The following ATAD2 variants were observed in gnomAD, a reference collection of about 807,000 sequenced individuals.
ATAD2 encodes the protein ATPase family AAA domain-containing protein 2.
A neutral mutation model predicts 168.9 loss-of-function variants in ATAD2; 62 were observed. The ratio of observed to expected loss-of-function variants is 0.37; its 90% CI spans 0.30 to 0.45. ATAD2 has a LOEUF of 0.45. Ranked by LOEUF, ATAD2 falls within the 20% of genes least tolerant of loss-of-function variation. The pLI is 1.00. For synonymous variants in ATAD2, 613 were observed against 571.6 expected, an observed-to-expected ratio of 1.07 and a Z score of -1.03; for missense variants, 1,419 against 1,667.8, an observed-to-expected ratio of 0.85 and a Z score of 2.60.
intron 13 of ATAD2, among the ~76,000 whole-genome samples, chr8:123,351,806 G>A (rs1281830801): frequency 6.7e-6 from 1 of 148,844 alleles, no homozygotes; most frequent in Non-Finnish European, 1.5e-5. Flanking sequence ...GGAGTGCAGT[G>A]GCACGATCTC....
chr8:123,334,155 T>C (rs765891322), intron 23 of ATAD2, 45 bp downstream of exon 23: 4 of 1,547,266 alleles, frequency 2.6e-6, no homozygotes, highest in Admixed American at 4.2e-5. Flanking sequence ...CTGAAATTCA[T>C]TGATAATATT....
chr8:123,338,437 T>C (rs180722851), intron 20 of ATAD2, among the ~76,000 whole-genome samples: 2 of 152,080 alleles, frequency 1.3e-5, no homozygotes, highest in East Asian at 1.9e-4. Context: ...ATTCTAACTA[T>C]AAAAAAGCCT....
At chr8:123,329,396 A>G (rs1275368880) in intron 24 of ATAD2, among the ~76,000 whole-genome samples, 1 of 152,072 alleles carries the variant, frequency 6.6e-6, no homozygotes. Flanking sequence ...CTACAACTAT[A>G]GGTGTATGCC....
intron 21 of ATAD2, among the ~76,000 whole-genome samples, chr8:123,337,137 T>C (rs868316697): frequency 7.3e-6 from 1 of 136,960 alleles, no homozygotes; most frequent in South Asian, 2.3e-4. Context: ...CTGAGGTGGG[T>C]GGATTACCTG....
At chr8:123,357,413 G>C in intron 12 of ATAD2, 149 bp downstream of exon 12, 3 of 777,086 alleles carry the variant, frequency 3.9e-6, no homozygotes, top group Non-Finnish European at 5.6e-6. Flanking sequence ...GTGTCATCTC[G>C]ACATATAAAA....
At chr8:123,413,468 C>A (rs1231885058) in intron 1 of ATAD2, among the ~76,000 whole-genome samples, 1 of 152,140 alleles carries the variant, frequency 6.6e-6, no homozygotes, top group East Asian at 1.9e-4. Context: ...ACTGCAGCAC[C>A]CATTAGATAA....
At chr8:123,408,261 G>A (rs1216017049) in intron 1 of ATAD2, among the ~76,000 whole-genome samples, 1 of 152,128 alleles carries the variant, frequency 6.6e-6, no homozygotes, top group Non-Finnish European at 1.5e-5. Flanking sequence ...CTCTTTGGGT[G>A]GGTTTGGTTT....
Position 123,328,527 on chromosome 8 carries a change from T to A in ATAD2, c.3531A>T (p.Ile1177=). The change falls in exon 25 of 28, where the codon ATA becomes ATT. Residue 1177 remains isoleucine, a synonymous_variant. Transcript: ENST00000287394. ...RKKSNWYLGT[I]KKRRKISQAK... ...CCTGTGAAATCTTCCTTCGCTTTTT[T>A]ATGGTGCCTAAGTACCAGTTTGACT... 6.3e-7 allele frequency: 1 copy of A among 1,593,984 alleles called. No homozygotes were observed.
At chr8:123,393,494 A>G (rs1267417231) in intron 1 of ATAD2, among the ~76,000 whole-genome samples, 1 of 152,162 alleles carries the variant, frequency 6.6e-6, no homozygotes, top group African/African-American at 2.4e-5. Flanking sequence ...TGGGTGACAG[A>G]GCAAGACTCT....
At chr8:123,328,958 C>T (rs4871356) in intron 24 of ATAD2, among the ~76,000 whole-genome samples, 129,664 of 151,924 alleles carry the variant, frequency 0.85, 57,921 homozygotes, top group East Asian at 1. Context: ...CCCGCCACCA[C>T]GCCCAGCTAA....
chr8:123,396,678 C>A (rs1327366030), upstream of ATAD2, among the ~76,000 whole-genome samples: 2 of 152,236 alleles, frequency 1.3e-5, no homozygotes, highest in African/African-American at 4.8e-5. Context: ...AGTTCCGGCT[C>A]GCTGAGCTCG....
At chr8:123,400,662 C>T (rs1282334997), upstream of ATAD2, 5 of 715,564 alleles carry the variant, frequency 7.0e-6, no homozygotes, top group Non-Finnish European at 1.3e-5. This position sits in a 1 kb window ranked among gnomAD's most constrained non-coding sequence, Gnocchi z 4.5. Context: ...GAGCCGACAG[C>T]CTCACCTACA....
intron 1 of ATAD2, among the ~76,000 whole-genome samples, chr8:123,415,680 C>G (rs962661181): frequency 6.6e-5 from 10 of 152,160 alleles, no homozygotes; most frequent in African/African-American, 9.7e-5. Flanking sequence ...CTGCAACCTC[C>G]GCCTCCCGGG....
Position 123,370,938 on chromosome 8 carries a change from T to A in ATAD2, c.692A>T (p.Asp231Val), listed in dbSNP as rs760601259. 1 of 1,608,430 alleles carries A rather than the reference T, an allele frequency of 6.2e-7. No individual in the cohort carries two copies. Among genetic ancestry groups the A allele is most frequent in the East Asian group, 2.2e-5 (1 of 44,644 alleles). The change falls in exon 6 of 28, where the codon GAT becomes GTT. Residue 231 changes from aspartate (D) to valine (V), a missense_variant. Physicochemically the swap from Asp to Val is radical, Grantham distance 152. Around this residue, in one of 5 missense-constraint regions of ATAD2, gnomAD observed 419 missense variants for 423.5 expected, o/e 0.99. Coordinates refer to ENST00000287394, the MANE Select transcript of ATAD2 (RefSeq NM_014109.4). ...RGKQKDIQRT[D>V]EETTDNQEGS... is the part of the protein sequence containing the mutation. ...TTCTTGATTATCAGTTGTTTCTTCATCAGTTCTTTGAATATCTTTCTGTTT... is the reference window on the plus strand; with the variant it reads ...TTCTTGATTATCAGTTGTTTCTTCAACAGTTCTTTGAATATCTTTCTGTTT...
intron 9 of ATAD2, 59 bp from the exon 10 acceptor site, chr8:123,359,744 T>C: frequency 1.7e-6 from 2 of 1,164,844 alleles, no homozygotes; most frequent in Admixed American, 4.7e-5. Context: ...CCTTCCCAAA[T>C]TCCATGTTTG....
intron 2 of ATAD2, among the ~76,000 whole-genome samples, chr8:123,373,030 C>T (rs962247303): frequency 6.6e-6 from 1 of 151,848 alleles, no homozygotes; most frequent in Non-Finnish European, 1.5e-5. Context: ...ATAGTTGGGA[C>T]TATAGGCTCC....
intron 19 of ATAD2, 147 bp downstream of exon 19, chr8:123,344,737 A>G (rs1333388845): frequency 1.2e-6 from 1 of 853,774 alleles, no homozygotes; most frequent in African/African-American, 1.7e-5. Flanking sequence ...GAGCACATAT[A>G]CCAAATAGTT....
chr8:123,411,485 C>T (rs1200835794), intron 1 of ATAD2, among the ~76,000 whole-genome samples: 1 of 152,150 alleles, frequency 6.6e-6, no homozygotes, highest in Non-Finnish European at 1.5e-5. Context: ...ACTAAGAATC[C>T]GTAAGCCTAG....
intron 26 of ATAD2, 96 bp downstream of exon 26, chr8:123,325,797 G>A: frequency 1.4e-6 from 2 of 1,467,556 alleles, no homozygotes; most frequent in Middle Eastern, 1.8e-4. Context: ...ACTTTTTCAT[G>A]TAAATCCCAT....
Sources: gnomAD v4.1 joint callset for allele counts (sites outside exome capture counted in the v4.1 genomes callset) on GRCh38, gnomAD v4.1.1 for gene constraint, gnomAD v4.1.1 regional missense constraint, Gnocchi (gnomAD v3.1) non-coding constraint, MANE v1.5 for transcripts, NCBI Gene and HGNC (gene_info 2026-07-23, HGNC 2026-07-21) for gene names.